Variants in UIMC1 observed in about 807,000 individuals in gnomAD.
The protein encoded by UIMC1 is BRCA1-A complex subunit RAP80.
Under a neutral mutation model 84.9 loss-of-function variants are expected in UIMC1, and 42 were observed. The ratio of observed to expected loss-of-function variants is 0.49; its 90% CI spans 0.39 to 0.64. The LOEUF (loss-of-function observed/expected upper bound fraction) is 0.64, where lower values mean the gene tolerates loss of function less well. Among genes scored for constraint, UIMC1 ranks in the 30% least tolerant of loss-of-function variants. The probability of loss-of-function intolerance (pLI) is 0.00; values close to 1 mark genes in which losing one functional copy is unlikely to be tolerated. For missense variants in UIMC1, 825 were observed against 847.6 expected, an observed-to-expected ratio of 0.97 and a Z score of 0.33; for synonymous variants, 281 against 293.0, an observed-to-expected ratio of 0.96 and a Z score of 0.42.
intron 2 of UIMC1, among the ~76,000 whole-genome samples, chr5:176,978,170 GACCATCCTGGCTACC>G (rs1278531587): frequency 6.6e-6 from 1 of 151,930 alleles, no homozygotes; most frequent in African/African-American, 2.4e-5. Context: ...AGGAGATCGA[GACCATCCTGGCTACC>G]ACAGTGAAAC....
chr5:176,929,862 G>C (rs1168297907), intron 10 of UIMC1, among the ~76,000 whole-genome samples: 1 of 152,096 alleles, frequency 6.6e-6, no homozygotes, highest in Non-Finnish European at 1.5e-5. Flanking sequence ...AAAACCACAA[G>C]AGCCCTCCTT....
At chr5:176,986,558 G>A (rs6867605) in intron 1 of UIMC1, among the ~76,000 whole-genome samples, 4,586 of 103,738 alleles carry the variant, frequency 0.044, 290 homozygotes, top group African/African-American at 0.16. Context: ...AAAAAAAAAA[G>A]GCTGGGCACA....
chr5:177,010,775 G>A (rs537171386), upstream of UIMC1, among the ~76,000 whole-genome samples: 2 of 152,192 alleles, frequency 1.3e-5, no homozygotes, highest in African/African-American at 2.4e-5. Context: ...CGCCTGCCTC[G>A]GCCTCCCAAA....
intron 10 of UIMC1, among the ~76,000 whole-genome samples, chr5:176,934,647 C>T (rs539434345): frequency 6.6e-6 from 1 of 152,320 alleles, no homozygotes; most frequent in East Asian, 1.9e-4. Flanking sequence ...AATTTTCTGA[C>T]AGATACTAAC....
chr5:177,021,182 G>C (rs189191601), intron 1 of UIMC1, among the ~76,000 whole-genome samples: 1 of 152,162 alleles, frequency 6.6e-6, no homozygotes, highest in Non-Finnish European at 1.5e-5. Flanking sequence ...GGAGGCTGAG[G>C]CTGGAGAATT....
chr5:176,981,803 T>G (rs149954395), intron 2 of UIMC1, among the ~76,000 whole-genome samples: 112 of 151,388 alleles, frequency 7.4e-4, no homozygotes, highest in Non-Finnish European at 4.4e-4. Context: ...AAAAAAAATA[T>G]ATAGGAGAAA....
At position 176,917,265 on chromosome 5, in the gene UIMC1, A is replaced by G. The variant is rs1455898253; in HGVS notation, c.1598-5876T>C. Among the ~76,000 whole-genome samples, 11 of 152,212 alleles carry G rather than the reference A, an allele frequency of 7.2e-5. No individual in the cohort carries two copies. In the South Asian group the frequency reaches 2.1e-3, roughly 29 times the overall value. ...CGACCTCAGAGACCAGTCTCAATTA[A>G]AGGCTATTATTAGAACAAACTATTG... On this transcript the variant is annotated intron_variant, in intron 10 of 14. Coordinates refer to ENST00000511320, the MANE Select transcript of UIMC1 (RefSeq NM_001199298.2).
intron 3 of UIMC1, among the ~76,000 whole-genome samples, chr5:176,974,231 T>C (rs1769709984): frequency 6.6e-6 from 1 of 152,010 alleles, no homozygotes; most frequent in African/African-American, 2.4e-5. Flanking sequence ...ATGACAAACA[T>C]AAATAAATGG....
At chr5:176,905,603 A>T in intron 14 of UIMC1, 111 bp from the exon 15 acceptor site, 2 of 982,222 alleles carry the variant, frequency 2.0e-6, no homozygotes, top group Non-Finnish European at 3.0e-6. Flanking sequence ...AGTACAAATA[A>T]TCTTTGTAAT....
chr5:176,984,892 A>T (rs1452321029), intron 1 of UIMC1, among the ~76,000 whole-genome samples: 1 of 152,186 alleles, frequency 6.6e-6, no homozygotes, highest in Non-Finnish European at 1.5e-5. Context: ...GCTTGAAGGC[A>T]GCATGCTTGT....
At chr5:176,957,942 G>T in intron 7 of UIMC1, 151 bp downstream of exon 7, 1 of 538,188 alleles carries the variant, frequency 1.9e-6, no homozygotes, top group Non-Finnish European at 3.2e-6. Flanking sequence ...TGAGAACTTA[G>T]AGATACTAAT....
intron 10 of UIMC1, among the ~76,000 whole-genome samples, chr5:176,919,911 CT>C (rs1761486925): frequency 6.6e-6 from 1 of 152,176 alleles, no homozygotes; most frequent in Non-Finnish European, 1.5e-5. Context: ...GAACTCTTAA[CT>C]TCGTTCTTTT....
chr5:176,966,576 T>C (rs1378209497), intron 6 of UIMC1, among the ~76,000 whole-genome samples: 4 of 152,144 alleles, frequency 2.6e-5, no homozygotes, highest in Admixed American at 6.5e-5. Context: ...CTCTTTAAAA[T>C]TACAATTTAT....
chr5:176,919,296 C>A, intron 10 of UIMC1: 1 of 188,730 alleles, frequency 5.3e-6, no homozygotes, highest in South Asian at 6.7e-5. Flanking sequence ...GGATACTAAA[C>A]CCTTAACATA....
At chr5:176,987,810 C>T (rs1772249797) in intron 1 of UIMC1, among the ~76,000 whole-genome samples, 1 of 149,070 alleles carries the variant, frequency 6.7e-6, no homozygotes, top group South Asian at 2.1e-4. Context: ...GGCAACAGAG[C>T]AAGACCCTGT....
intron 10 of UIMC1, among the ~76,000 whole-genome samples, chr5:176,929,078 C>T (rs997257064): frequency 2.0e-5 from 3 of 151,182 alleles, no homozygotes; most frequent in Non-Finnish European, 4.4e-5. Flanking sequence ...ATAGTGAAAC[C>T]CTGTCTCTAC....
chr5:176,969,613 CAG>C lies in UIMC1; in HGVS notation c.449_450del (p.Ser150TrpfsTer4), dbSNP rs1561848709. The C allele has an allele frequency of 6.2e-7, 1 of 1,614,112 alleles. No individual in the cohort carries two copies. The highest frequency in any genetic ancestry group is 1.7e-5 in the Admixed American group (1 of 60,016). ...CAGGGAGACATGCCTTCAGTGAGCC[CAG>C]AGTCTGTGGTTTTCTCTTGATGGGA... ...SQSHQEKTTD[S>X]GLTEGIWQLV... is the part of the protein sequence containing the mutation. On this transcript the variant is annotated frameshift_variant, in exon 5 of 15. Transcript: ENST00000511320. LOFTEE classifies it high-confidence loss of function.
At chr5:176,954,649 G>A (rs1766356031) in intron 8 of UIMC1, among the ~76,000 whole-genome samples, 1 of 151,592 alleles carries the variant, frequency 6.6e-6, no homozygotes, top group South Asian at 2.1e-4. Flanking sequence ...CTACTCGGGA[G>A]GCTGAGGAGT....
chr5:176,974,975 A>G (rs558600252), intron 3 of UIMC1, among the ~76,000 whole-genome samples: 2 of 152,076 alleles, frequency 1.3e-5, no homozygotes, highest in South Asian at 4.1e-4. Flanking sequence ...ACAGCACAGC[A>G]GGACCCTGTG....
Sources: gnomAD v4.1 joint callset for allele counts (sites outside exome capture counted in the v4.1 genomes callset) on GRCh38, gnomAD v4.1.1 for gene constraint, MANE v1.5 for transcripts, NCBI Gene and HGNC (gene_info 2026-07-23, HGNC 2026-07-21) for gene names.